The following ATP6V1B1 variants were observed in gnomAD, a reference collection of about 807,000 sequenced individuals.
The protein encoded by ATP6V1B1 is ATPase H+ transporting V1 subunit B1.
Under a neutral mutation model 62.1 loss-of-function variants are expected in ATP6V1B1, and 41 were observed. That is an observed-to-expected ratio of 0.66 (90% CI 0.51 to 0.86). The LOEUF is 0.86. Ranked by LOEUF, ATP6V1B1 falls within the 40% of genes least tolerant of loss-of-function variation. The pLI is 0.00. For synonymous variants in ATP6V1B1, 253 were observed against 273.4 expected, an observed-to-expected ratio of 0.93 and a Z score of 0.74; for missense variants, 651 against 697.5, an observed-to-expected ratio of 0.93 and a Z score of 0.75.
At chr2:70,952,428 A>G (rs990098417) in intron 2 of ATP6V1B1, among the ~76,000 whole-genome samples, 1 of 151,726 alleles carries the variant, frequency 6.6e-6, no homozygotes, top group Non-Finnish European at 1.5e-5. Context: ...TCGCCATTGC[A>G]TTCCAGCCTG....
Position 70,958,353 on chromosome 2 carries a change from G to A in ATP6V1B1, c.294G>A (p.Gly98=), listed in dbSNP as rs2104825531. Residue 98 remains glycine, a synonymous_variant, in exon 4 of 14, where the codon GGG becomes GGA. Coordinates refer to ENST00000234396, the MANE Select transcript of ATP6V1B1 (RefSeq NM_001692.4). ...CACAGGTGTTTGAAGGGACATCAGG[G>A]ATCGATGCCAGGAAGACCACTTGCG... ...AIVQVFEGTS[G]IDARKTTCEF... 4 of 1,612,636 alleles carry A rather than the reference G, an allele frequency of 2.5e-6. No individual in the cohort carries two copies. The highest frequency in any genetic ancestry group is 3.4e-6 in the Non-Finnish European group (4 of 1,179,090).
chr2:70,937,488 G>A (rs1267366212), intron 1 of ATP6V1B1, among the ~76,000 whole-genome samples: 1 of 152,042 alleles, frequency 6.6e-6, no homozygotes, highest in African/African-American at 2.4e-5. Context: ...GGAGCTCGGG[G>A]GAGGATAGGA....
intron 1 of ATP6V1B1, among the ~76,000 whole-genome samples, chr2:70,942,778 T>G (rs760326799): frequency 6.6e-6 from 1 of 152,230 alleles, no homozygotes; most frequent in Non-Finnish European, 1.5e-5. Flanking sequence ...CCTGCCCACC[T>G]TGCCAAATGC....
Position 70,960,001 on chromosome 2 carries a change from C to T in ATP6V1B1, c.508C>T (p.Pro170Ser). 5 of 1,614,212 alleles carry T rather than the reference C, an allele frequency of 3.1e-6. No individual in the cohort carries two copies. Among genetic ancestry groups the T allele is most frequent in the Non-Finnish European group, 8.5e-7 (1 of 1,180,038 alleles). ...PEEMIQTGIS[P>S]IDVMNSIARG... Reference sequence around the variant, plus strand: ...GGAGATGATTCAGACGGGCATTTCTCCTATTGACGTCATGAACAGCATTGC... The same window carrying T: ...GGAGATGATTCAGACGGGCATTTCTTCTATTGACGTCATGAACAGCATTGC... The change falls in exon 6 of 14, where the codon CCT becomes TCT. Residue 170 changes from proline (P) to serine (S), a missense_variant. Physicochemically the swap from Pro to Ser is moderately conservative, Grantham distance 74 (BLOSUM62 -1). Transcript: ENST00000234396.
In ATP6V1B1 at chr2:70,941,511, A is replaced by G. The variant is rs139427894; in HGVS notation, c.119-2147A>G. The G allele has an allele frequency of 6.0e-4, 574 of 953,896 alleles. 4 individuals are homozygous for G. The African/African-American group carries it at 9.4e-3, about 16-fold the overall frequency. 59.1% of individuals were successfully genotyped at this position (953,896 alleles called of 1,614,324 possible). ...CCCATAAGATGCTTCCTCCAAGCGC[A>G]CCCAGTCTGGTCTTCCCTCCCACTC... On this transcript the variant is annotated intron_variant, in intron 1 of 13. Transcript: ENST00000234396.
At chr2:70,964,037 C>T (rs1053438131) in intron 11 of ATP6V1B1, 39 of 416,134 alleles carry the variant, frequency 9.4e-5, no homozygotes, top group East Asian at 4.2e-4. Flanking sequence ...CAGAAAACAA[C>T]GGCTAACTAA....
chr2:70,940,843 G>T, intron 1 of ATP6V1B1: 1 of 983,964 alleles, frequency 1.0e-6, no homozygotes, highest in Non-Finnish European at 1.2e-6. Context: ...GATGGGGTCA[G>T]TTAACACCTT....
At chr2:70,962,681 C>T in intron 8 of ATP6V1B1, 96 bp from the exon 9 acceptor site, 10 of 1,576,642 alleles carry the variant, frequency 6.3e-6, no homozygotes, top group Middle Eastern at 1.8e-4. Flanking sequence ...CTATGCACAA[C>T]ACCAGCTTCC....
At chr2:70,960,854 T>G in intron 6 of ATP6V1B1, 67 bp from the exon 7 acceptor site, 1 of 1,351,018 alleles carries the variant, frequency 7.4e-7, no homozygotes, top group Non-Finnish European at 1.0e-6. Flanking sequence ...CATGAGCCAG[T>G]GGTGCTCAGT....
At chr2:70,941,024 C>A in intron 1 of ATP6V1B1, 1 of 610,994 alleles carries the variant, frequency 1.6e-6, no homozygotes, top group Non-Finnish European at 2.0e-6. Context: ...CTCAGGTGAT[C>A]CTCCCACCTC....
chr2:70,960,119 CAG>C, intron 6 of ATP6V1B1, 41 bp downstream of exon 6: 1 of 1,612,498 alleles, frequency 6.2e-7, no homozygotes, highest in East Asian at 2.2e-5. Flanking sequence ...GGGGGAGGGA[CAG>C]AGCAGAGGCT....
chr2:70,960,206 G>A (rs1274487483), intron 6 of ATP6V1B1, 128 bp downstream of exon 6: 8 of 1,390,598 alleles, frequency 5.8e-6, no homozygotes, highest in Middle Eastern at 2.5e-4. Context: ...CGCCAGCATC[G>A]AGACTGGCAG....
chr2:70,957,754 G>C (rs560510980), intron 2 of ATP6V1B1: 51 of 433,292 alleles, frequency 1.2e-4, no homozygotes, highest in South Asian at 1.0e-3. Context: ...CATTACTTAT[G>C]ACTTACGTAT....
intron 11 of ATP6V1B1, chr2:70,964,170 T>C (rs2104833414): frequency 2.6e-6 from 1 of 389,794 alleles, no homozygotes; most frequent in Non-Finnish European, 4.6e-6. Flanking sequence ...AAAGTGGTTT[T>C]TGTCCACATT....
intron 7 of ATP6V1B1, 90 bp downstream of exon 7, chr2:70,961,112 G>T: frequency 7.4e-7 from 1 of 1,342,472 alleles, no homozygotes; most frequent in Non-Finnish European, 1.0e-6. Flanking sequence ...ATCTGATGGG[G>T]AAGCCATCAG....
chr2:70,938,656 G>T (rs926025085), intron 1 of ATP6V1B1: 3 of 985,290 alleles, frequency 3.0e-6, no homozygotes, highest in African/African-American at 3.5e-5. Flanking sequence ...AGCTGACCCT[G>T]CCAACATCTA....
intron 2 of ATP6V1B1, among the ~76,000 whole-genome samples, chr2:70,946,542 C>T (rs1680179365): frequency 6.6e-6 from 1 of 152,206 alleles, no homozygotes; most frequent in Admixed American, 6.5e-5. Flanking sequence ...TGAACTGATG[C>T]TCAAGTTAGA....
In ATP6V1B1 at chr2:70,959,829, T is replaced by C; in HGVS notation, c.446-110T>C. On this transcript the variant is annotated intron_variant, in intron 5 of 13. Coordinates refer to ENST00000234396, the MANE Select transcript of ATP6V1B1 (RefSeq NM_001692.4). This position sits in a 1 kb window ranked among gnomAD's most constrained non-coding sequence, Gnocchi z 4.2. The stretch of plus-strand genomic sequence containing the variant: ...GCACGGCCAGAGCACGTTTCTATCA[T>C]CACAGAAAGTTCCGTCAAACAGGGC... The C allele has an allele frequency of 6.4e-7, 1 of 1,554,630 alleles. No individual in the cohort carries two copies. The highest frequency in any genetic ancestry group is 8.8e-7 in the Non-Finnish European group (1 of 1,133,330).
Position 70,958,054 on chromosome 2 carries a change from G to C in ATP6V1B1, c.183G>C (p.Gln61His). The C allele has an allele frequency of 5.0e-6, 8 of 1,614,006 alleles. No homozygotes were observed. Among genetic ancestry groups the C allele is most frequent in the Non-Finnish European group, 6.8e-6 (8 of 1,179,986 alleles). ...LVVLDRVKFA[Q>H]YAEIVHFTLP... ...CTCTCCCCTCCTGCCAGTTTGCCCA[G>C]TATGCGGAGATCGTCCACTTCACCC... Residue 61 changes from glutamine to histidine, a missense_variant, in exon 3 of 14, where the codon CAG (glutamine) becomes CAC (histidine). Coordinates refer to ENST00000234396, the MANE Select transcript of ATP6V1B1 (RefSeq NM_001692.4).
Sources: gnomAD v4.1 joint callset for allele counts (sites outside exome capture counted in the v4.1 genomes callset) on GRCh38, gnomAD v4.1.1 for gene constraint, Gnocchi (gnomAD v3.1) non-coding constraint, MANE v1.5 for transcripts, NCBI Gene and HGNC (gene_info 2026-07-23, HGNC 2026-07-21) for gene names.